EYS: variants seen among roughly 807,000 people sequenced by gnomAD.
EYS encodes protein eyes shut homolog.
In EYS, 250 loss-of-function variants were observed where a neutral mutation model predicts 282.1. The ratio of observed to expected loss-of-function variants is 0.89; its 90% CI spans 0.80 to 0.98. The LOEUF (loss-of-function observed/expected upper bound fraction) is 0.98, where lower values mean the gene tolerates loss of function less well. EYS is among the 50% of genes least tolerant of loss of function. EYS has a pLI of 0.00. For synonymous variants in EYS, 1,355 were observed against 1,282.9 expected, an observed-to-expected ratio of 1.06 and a Z score of -1.20; for missense variants, 4,016 against 3,709.0, an observed-to-expected ratio of 1.08 and a Z score of -2.15.
chr6:65,235,016 T>C (rs1766887015), intron 12 of EYS, among the ~76,000 whole-genome samples: 2 of 152,142 alleles, frequency 1.3e-5, no homozygotes, highest in Admixed American at 6.6e-5. Context: ...TAAAGCCATA[T>C]TAGGGGTGGG....
chr6:64,914,360 G>A (rs1425198217), intron 15 of EYS, among the ~76,000 whole-genome samples: 1 of 152,024 alleles, frequency 6.6e-6, no homozygotes, highest in Non-Finnish European at 1.5e-5. Context: ...ACAAGCACAG[G>A]AAATATTAGA....
At chr6:65,088,137 G>T (rs371243060) in intron 12 of EYS, among the ~76,000 whole-genome samples, 1 of 152,096 alleles carries the variant, frequency 6.6e-6, no homozygotes, top group Non-Finnish European at 1.5e-5. Context: ...TCTTTCCTTT[G>T]TAAATTACCC....
At chr6:64,840,779 G>T (rs1765540368) in intron 19 of EYS, among the ~76,000 whole-genome samples, 1 of 152,062 alleles carries the variant, frequency 6.6e-6, no homozygotes, top group Non-Finnish European at 1.5e-5. Flanking sequence ...CATTAAATAT[G>T]ATCTTTATCA....
intron 2 of EYS, among the ~76,000 whole-genome samples, chr6:65,602,019 C>T (rs1765632666): frequency 6.6e-6 from 1 of 151,756 alleles, no homozygotes; most frequent in Non-Finnish European, 1.5e-5. Flanking sequence ...CAAAAACATC[C>T]AGATATCTAA....
intron 33 of EYS, among the ~76,000 whole-genome samples, chr6:64,030,905 C>T (rs911395344): frequency 2.6e-5 from 4 of 152,260 alleles, no homozygotes; most frequent in African/African-American, 7.2e-5. Flanking sequence ...AGGGCCCCTT[C>T]ATCGTCCCTA....
At chr6:63,836,377 A>T (rs115204732) in intron 36 of EYS, among the ~76,000 whole-genome samples, 1,991 of 152,110 alleles carry the variant, frequency 0.013, 35 homozygotes, top group African/African-American at 0.046. Flanking sequence ...CCAAAAAATG[A>T]CATTTCTAGC....
At chr6:65,569,508 G>T (rs1359304047) in intron 2 of EYS, among the ~76,000 whole-genome samples, 1 of 152,076 alleles carries the variant, frequency 6.6e-6, no homozygotes, top group African/African-American at 2.4e-5. Context: ...ACAAATTATG[G>T]CTTAGGAGCC....
At chr6:64,550,209 G>A (rs1048903298) in intron 26 of EYS, among the ~76,000 whole-genome samples, 15 of 152,238 alleles carry the variant, frequency 9.9e-5, no homozygotes, top group African/African-American at 3.6e-4. Context: ...ATGTGCATGT[G>A]TCTTTATAGC....
At chr6:63,762,718 A>C (rs1007298273) in intron 40 of EYS, 85 bp from the exon 41 acceptor site, 1 of 1,252,918 alleles carries the variant, frequency 8.0e-7, no homozygotes, top group Non-Finnish European at 1.1e-6. Context: ...CTAACTTGTC[A>C]ATTTTAACTG....
intron 16 of EYS, among the ~76,000 whole-genome samples, chr6:64,907,109 G>A (rs551656795): frequency 1.3e-5 from 2 of 152,238 alleles, no homozygotes; most frequent in South Asian, 4.2e-4. Context: ...CTGAAATGCA[G>A]TGGTGTGATC....
chr6:65,053,674 T>G (rs1773337860), intron 13 of EYS, among the ~76,000 whole-genome samples: 1 of 151,836 alleles, frequency 6.6e-6, no homozygotes, highest in South Asian at 2.1e-4. Flanking sequence ...ATTTAGGATT[T>G]GCAAGCAAAG....
At chr6:65,534,382 A>T (rs1767891925) in intron 2 of EYS, among the ~76,000 whole-genome samples, 1 of 152,152 alleles carries the variant, frequency 6.6e-6, no homozygotes, top group African/African-American at 2.4e-5. Flanking sequence ...CTGGATTTGC[A>T]GCTTTCCTTA....
At chr6:64,803,006 G>C (rs1764303182) in intron 22 of EYS, among the ~76,000 whole-genome samples, 1 of 152,184 alleles carries the variant, frequency 6.6e-6, no homozygotes, top group African/African-American at 2.4e-5. Flanking sequence ...GTTACAACTG[G>C]ACCAGAGGTA....
chr6:65,355,681 AT>A, intron 8 of EYS, among the ~76,000 whole-genome samples: 1 of 152,244 alleles, frequency 6.6e-6, no homozygotes, highest in East Asian at 1.9e-4. Flanking sequence ...ATGAATAGAC[AT>A]TTTTCAAAAG....
In EYS at chr6:63,720,911, A is replaced by T; in HGVS notation, c.9120T>A (p.Cys3040Ter). The part of the protein sequence containing the change: ...VPMSYNNGTF[C>*]CNKWHHVVVI... The stretch of plus-strand genomic sequence containing the variant: ...CAACTACATGGTGCCATTTATTACA[A>T]CAGAATGTGCCATTGTTATAGCTCA... Residue 3040 changes from cysteine to a stop codon, truncating the protein, a stop_gained, in exon 43 of 43, where the codon TGT (cysteine) becomes TGA (stop). Transcript: ENST00000503581. LOFTEE classifies it high-confidence loss of function. The T allele has an allele frequency of 6.4e-7, 1 of 1,551,186 alleles. No individual in the cohort carries two copies. The highest frequency in any genetic ancestry group is 1.4e-5 in the African/African-American group (1 of 73,138).
intron 26 of EYS, among the ~76,000 whole-genome samples, chr6:64,456,107 T>C (rs1775551642): frequency 6.6e-6 from 1 of 152,134 alleles, no homozygotes; most frequent in Non-Finnish European, 1.5e-5. Flanking sequence ...ACCAAAGTTT[T>C]ATTTAGCTTC....
At chr6:65,330,983 A>G in intron 11 of EYS, 1 of 984,406 alleles carries the variant, frequency 1.0e-6, no homozygotes, top group Non-Finnish European at 1.2e-6. Context: ...GTTCCCGTAT[A>G]TACTCGGGTT....
chr6:65,148,416 T>C (rs1217711675), intron 12 of EYS, among the ~76,000 whole-genome samples: 1 of 152,094 alleles, frequency 6.6e-6, no homozygotes, highest in Non-Finnish European at 1.5e-5. Context: ...TCCAAAATGA[T>C]CTCCTTTGAC....
At chr6:65,160,053 T>A (rs958727305) in intron 12 of EYS, among the ~76,000 whole-genome samples, 3 of 151,054 alleles carry the variant, frequency 2.0e-5, no homozygotes, top group Admixed American at 1.3e-4. Flanking sequence ...TTTGATTTTT[T>A]GTGCCAAAAT....
Sources: allele counts gnomAD v4.1 joint callset (sites outside exome capture counted in the v4.1 genomes callset), GRCh38; gene constraint gnomAD v4.1.1; transcripts MANE v1.5; gene names NCBI Gene and HGNC (gene_info 2026-07-23, HGNC 2026-07-21).